The following GPNMB variants were observed in gnomAD, a reference collection of about 807,000 sequenced individuals.
GPNMB encodes the protein transmembrane glycoprotein NMB.
Under a neutral mutation model 57.3 loss-of-function variants are expected in GPNMB, and 71 were observed. The observed-to-expected ratio is 1.24, with a 90% CI of 1.02 to 1.51. GPNMB has a LOEUF of 1.51. GPNMB is among the 40% of genes most tolerant of loss of function. GPNMB has a pLI of 0.00. For missense variants in GPNMB, 677 were observed against 691.9 expected, an observed-to-expected ratio of 0.98 and a Z score of 0.24; for synonymous variants, 253 against 263.2, an observed-to-expected ratio of 0.96 and a Z score of 0.38.
At chr7:23,270,202 G>A (rs1186438197) in intron 9 of GPNMB, 27 bp downstream of exon 9, 12 of 1,500,486 alleles carry the variant, frequency 8.0e-6, no homozygotes, top group Non-Finnish European at 1.1e-5. Context: ...GGCCATATGA[G>A]CATTTCATAC....
At position 23,268,824 on chromosome 7, in the gene GPNMB, G is replaced by T. The variant is rs111469030; in HGVS notation, c.1220+836G>T. 4.5e-3 allele frequency among the ~76,000 whole-genome samples: 682 copies of T among 152,224 alleles called. 6 individuals carry two copies. The highest frequency in any genetic ancestry group is 0.015 in the African/African-American group (637 of 41,536). On this transcript the variant is annotated intron_variant, in intron 8 of 10. Transcript: ENST00000258733. ...CCAGGGAGTGAAGCTGCTGCGAGAG[G>T]CCTGGCTGGTGAGAAGGGGGACTGT...
At chr7:23,258,425 G>A (rs17147973) in intron 4 of GPNMB, among the ~76,000 whole-genome samples, 11 of 151,964 alleles carry the variant, frequency 7.2e-5, no homozygotes, top group African/African-American at 2.4e-4. Flanking sequence ...CTGCCATTAC[G>A]ACCCCATTAG....
chr7:23,266,502 A>T lies in GPNMB; in HGVS notation c.1019-15A>T, dbSNP rs753996624. On this transcript the variant is annotated splice_polypyrimidine_tract_variant and intron_variant, in intron 6 of 10. Coordinates refer to ENST00000258733, the MANE Select transcript of GPNMB (RefSeq NM_002510.3). ...GTAGCAACTACTCTAAAATCTTATG[A>T]TTCAAACACCCCAGGACCTGCTGGT... 1.2e-6 allele frequency: 2 copies of T among 1,610,820 alleles called. No individual in the cohort carries two copies. Among genetic ancestry groups the T allele is most frequent in the Admixed American group, 3.4e-5 (2 of 59,286 alleles).
At position 23,260,029 on chromosome 7, in the gene GPNMB, C is replaced by T. The variant is rs17147995; in HGVS notation, c.591C>T (p.Asn197=). The T allele has an allele frequency of 7.1e-3, 11,421 of 1,614,042 alleles. 291 individuals carry two copies. In the African/African-American group the frequency reaches 0.082, roughly 12 times the overall value. Residue 197 remains asparagine (N), a synonymous_variant, in exon 5 of 11, where the codon AAC becomes AAT. Transcript: ENST00000258733. The stretch of plus-strand genomic sequence containing the variant: ...GATGTTCAGTGAGAGTTTCTGTGAA[C>T]ACAGCCAATGTGACACTTGGGCCTC... ...LGRCSVRVSV[N]TANVTLGPQL...
At chr7:23,262,929 C>T (rs1045508456) in intron 6 of GPNMB, among the ~76,000 whole-genome samples, 1 of 152,056 alleles carries the variant, frequency 6.6e-6, no homozygotes, top group Admixed American at 6.6e-5. Flanking sequence ...CCACCATTCT[C>T]TTATTGATGG....
rs745653567 is a variant in GPNMB, at chr7:23,274,847, C to G, written c.*623C>G. On this transcript the variant is annotated 3_prime_UTR_variant, in exon 11 of 11. Transcript: ENST00000258733. ...AATGATATTCATATATTCATTTATT[C>G]CATGGACATTTAGTTAGTGCTTTTT... The G allele has an allele frequency of 1.3e-5, 2 of 152,140 alleles. No homozygotes were observed. Among genetic ancestry groups the G allele is most frequent in the Non-Finnish European group, 2.9e-5 (2 of 68,044 alleles). 9.4% of individuals were successfully genotyped at this position (152,140 alleles called of 1,614,324 possible).
At chr7:23,250,925 A>G (rs1782646102) in intron 1 of GPNMB, 1 of 152,206 alleles carries the variant, frequency 6.6e-6, no homozygotes, top group Non-Finnish European at 1.5e-5. Context: ...GATTTGAACT[A>G]AATAATCTTA....
chr7:23,261,639 G>A (rs1782927621), intron 6 of GPNMB, among the ~76,000 whole-genome samples: 1 of 152,084 alleles, frequency 6.6e-6, no homozygotes, highest in Admixed American at 6.6e-5. Context: ...CGGGGGGTAG[G>A]GGTAGGGAGG....
intron 7 of GPNMB, 86 bp from the exon 8 acceptor site, chr7:23,267,800 A>T: frequency 1.1e-6 from 1 of 944,932 alleles, no homozygotes; most frequent in Non-Finnish European, 1.7e-6. Context: ...GGACACAAAC[A>T]TTCAATCTAT....
chr7:23,269,960 G>A lies in GPNMB; in HGVS notation c.1221-7G>A, dbSNP rs758035451. The A allele has an allele frequency of 6.2e-7, 1 of 1,612,446 alleles. No homozygotes were observed. The highest frequency in any genetic ancestry group is 1.1e-5 in the South Asian group (1 of 90,978). On this transcript the variant is annotated splice_region_variant and splice_polypyrimidine_tract_variant and intron_variant, in intron 8 of 10. Coordinates refer to ENST00000258733, the MANE Select transcript of GPNMB (RefSeq NM_002510.3). Reference sequence around the variant, plus strand: ...CTGTGCGCCCTCGCCCACCTCCCCTGTCGCAGCATTCCCACGGAGGTCTGT... The same window carrying A: ...CTGTGCGCCCTCGCCCACCTCCCCTATCGCAGCATTCCCACGGAGGTCTGT...
At chr7:23,248,776 G>GGT (rs113494779) in intron 1 of GPNMB, among the ~76,000 whole-genome samples, 4,943 of 143,376 alleles carry the variant, frequency 0.034, 228 homozygotes, top group East Asian at 0.13. Flanking sequence ...TTACTATTGG[G>GGT]TTTTTTTTTT....
chr7:23,266,437 G>A (rs1246775446), intron 6 of GPNMB, 80 bp from the exon 7 acceptor site: 8 of 1,467,024 alleles, frequency 5.5e-6, no homozygotes, highest in Non-Finnish European at 6.5e-6. Flanking sequence ...AATGGCAAAT[G>A]TTTAGATTTT....
At chr7:23,249,994 G>C (rs1371976637) in intron 1 of GPNMB, among the ~76,000 whole-genome samples, 2 of 152,192 alleles carry the variant, frequency 1.3e-5, no homozygotes, top group Non-Finnish European at 2.9e-5. Context: ...CTTACTGATA[G>C]GGATATAGTG....
Position 23,274,256 on chromosome 7 carries a change from A to G in GPNMB, c.*32A>G, listed in dbSNP as rs751360192. ...ACCTTGTTTCTGAAGCTCACTTTTCAGTGCCATTGATGTGAGATGTGCTGG... is the reference window on the plus strand; with the variant it reads ...ACCTTGTTTCTGAAGCTCACTTTTCGGTGCCATTGATGTGAGATGTGCTGG... On this transcript the variant is annotated 3_prime_UTR_variant, in exon 11 of 11. Coordinates refer to ENST00000258733, the MANE Select transcript of GPNMB (RefSeq NM_002510.3). The G allele has an allele frequency of 2.6e-6, 4 of 1,551,262 alleles. No individual in the cohort carries two copies. Among genetic ancestry groups the G allele is most frequent in the Non-Finnish European group, 3.6e-6 (4 of 1,124,280 alleles).
chr7:23,246,895 T>A lies in GPNMB; in HGVS notation c.38T>A (p.Leu13Gln). ...CLYYFLGFLL[L>Q]AARLPLDAAK... ...TACTATTTCCTGGGATTTCTGCTCC[T>A]GGCTGCAAGATTGCCACTTGATGCC... The change falls in exon 1 of 11, where the codon CTG (leucine) becomes CAG (glutamine). Residue 13 changes from leucine to glutamine, a missense_variant. Leu to Gln is a moderately radical substitution (Grantham distance 113, BLOSUM62 -2). Coordinates refer to ENST00000258733, the MANE Select transcript of GPNMB (RefSeq NM_002510.3). The A allele has an allele frequency of 6.2e-7, 1 of 1,614,082 alleles. No homozygotes were observed. The highest frequency in any genetic ancestry group is 2.2e-5 in the East Asian group (1 of 44,892).
chr7:23,269,799 A>G (rs1435576562), intron 8 of GPNMB, among the ~76,000 whole-genome samples, 168 bp from the exon 9 acceptor site: 1 of 152,208 alleles, frequency 6.6e-6, no homozygotes, highest in Non-Finnish European at 1.5e-5. Flanking sequence ...AGGCTTGCTT[A>G]AGAGCAGATT....
At chr7:23,267,789 G>A (rs75523457) in intron 7 of GPNMB, 97 bp from the exon 8 acceptor site, 9,653 of 868,126 alleles carry the variant, frequency 0.011, 78 homozygotes, top group Non-Finnish European at 0.014. Context: ...GAATTTCGGA[G>A]GGACACAAAC....
intron 7 of GPNMB, among the ~76,000 whole-genome samples, 197 bp downstream of exon 7, chr7:23,266,812 C>T (rs1020094700): frequency 1.3e-5 from 2 of 152,244 alleles, no homozygotes; most frequent in Admixed American, 1.3e-4. Flanking sequence ...CTTCCTTCCA[C>T]ATCCTGGTGG....
In GPNMB at chr7:23,253,437, G is replaced by A. The variant is rs1407550369; in HGVS notation, c.201G>A (p.Met67Ile). 2.5e-6 allele frequency: 4 copies of A among 1,613,700 alleles called. No individual in the cohort carries two copies. Among genetic ancestry groups the A allele is most frequent in the Non-Finnish European group, 2.5e-6 (3 of 1,179,874 alleles). ...KLYPVWKRGD[M>I]RWKNSWKGGR... ...ACCCAGTGTGGAAGCGGGGAGACAT[G>A]AGGTGGAAAAACTCCTGGAAGGGTA... The change falls in exon 2 of 11, where the codon ATG becomes ATA. Residue 67 changes from methionine (M) to isoleucine (I), a missense_variant. Coordinates refer to ENST00000258733, the MANE Select transcript of GPNMB (RefSeq NM_002510.3).
Sources: allele counts gnomAD v4.1 joint callset (sites outside exome capture counted in the v4.1 genomes callset), GRCh38; gene constraint gnomAD v4.1.1; transcripts MANE v1.5; gene names NCBI Gene and HGNC (gene_info 2026-07-23, HGNC 2026-07-21).